The following IRS1 variants were observed in gnomAD, a reference collection of about 807,000 sequenced individuals.
IRS1 encodes the protein insulin receptor substrate 1.
IRS1 carries 34 observed loss-of-function variants against 65.6 expected under a neutral mutation model. That is an observed-to-expected ratio of 0.52 (90% confidence interval 0.39 to 0.69). The LOEUF is 0.69. Among genes scored for constraint, IRS1 ranks in the 30% least tolerant of loss-of-function variants. IRS1 has a pLI of 0.00. For synonymous variants in IRS1, 699 were observed against 683.5 expected (o/e 1.02, Z -0.35); for missense variants, 1,641 against 1,720.2 (o/e 0.95, Z 0.81).
rs780720173 is a variant in IRS1, at chr2:226,797,262, G to C, written c.1477C>G (p.Arg493Gly). Residue 493 changes from arginine (R) to glycine (G), a missense_variant, in exon 1 of 2, where the codon CGC becomes GGC. Arg to Gly is a moderately radical substitution (Grantham distance 125). Around this residue, in one of 3 missense-constraint regions of IRS1, gnomAD observed 1,324 missense variants for 1,361.0 expected, o/e 0.97. Transcript: ENST00000305123. The surrounding 1 kb of genome is among the most constrained non-coding windows in gnomAD (Gnocchi z 8.1). ...CCCAAGCCTGTTCCTGGGGTGCAGC[G>C]GTGGCCATTGCCACCCCGAGACAAA... The part of the protein sequence containing the change: ...YILSRGGNGH[R>G]CTPGTGLGTS... The C allele has an allele frequency of 8.1e-6, 13 of 1,613,390 alleles. No homozygotes were observed. Among genetic ancestry groups the C allele is most frequent in the Non-Finnish European group, 8.5e-6 (10 of 1,179,970 alleles).
At chr2:226,763,756 T>C (rs1183974617) in intron 1 of IRS1, among the ~76,000 whole-genome samples, 1 of 152,126 alleles carries the variant, frequency 6.6e-6, no homozygotes, top group Non-Finnish European at 1.5e-5. Context: ...AAATCACCTT[T>C]AATTGCCATT....
chr2:226,771,921 C>T (rs1939173317), intron 1 of IRS1, among the ~76,000 whole-genome samples: 1 of 152,208 alleles, frequency 6.6e-6, no homozygotes, highest in African/African-American at 2.4e-5. Context: ...TTTATACTTA[C>T]AGCTTGTAAC....
chr2:226,798,938 C>A lies in IRS1; in HGVS notation c.-200G>T. Reference sequence around the variant, plus strand: ...CGCAGCTGCTGAGCCCAGGAGAGAGCCCGACCGGAGTTTTCGGGCGCTTCA... The same window carrying A: ...CGCAGCTGCTGAGCCCAGGAGAGAGACCGACCGGAGTTTTCGGGCGCTTCA... On this transcript the variant is annotated 5_prime_UTR_variant, in exon 1 of 2. Transcript: ENST00000305123. This position sits in a 1 kb window ranked among gnomAD's most constrained non-coding sequence, Gnocchi z 9.4. 1 of 1,451,962 alleles carries A rather than the reference C, an allele frequency of 6.9e-7. No homozygotes were observed. Among genetic ancestry groups the A allele is most frequent in the Middle Eastern group, 2.6e-4 (1 of 3,910 alleles). The allele number at this position is 1,451,962 out of a possible 1,614,324, so 89.9% of individuals were successfully genotyped here. A position where few individuals can be genotyped will look rare whatever the true frequency, so the allele number is the denominator to read the frequency against.
rs1172214075 is a variant in IRS1 at position 226,797,745 on chromosome 2, C to T, written c.994G>A (p.Gly332Ser). The T allele has an allele frequency of 3.8e-6, 6 of 1,596,046 alleles. No homozygotes were observed. The Admixed American group carries it at 6.7e-5, about 18-fold the overall frequency. The change falls in exon 1 of 2, where the codon GGC becomes AGC. Residue 332 changes from glycine to serine, a missense_variant. Transcript: ENST00000305123. This position sits in a 1 kb window ranked among gnomAD's most constrained non-coding sequence, Gnocchi z 8.1. ...GCTGGGCGGGACATGGTGCCTTCGC[C>T]GTCACTGGAGGCGCGGACACGGAAG... ...GSFRVRASSD[G>S]EGTMSRPASV...
At position 226,799,082 on chromosome 2, in the gene IRS1, G is replaced by A; in HGVS notation, c.-344C>T. On this transcript the variant is annotated 5_prime_UTR_variant, in exon 1 of 2. Coordinates refer to ENST00000305123, the MANE Select transcript of IRS1 (RefSeq NM_005544.3). The surrounding 1 kb of genome is among the most constrained non-coding windows in gnomAD (Gnocchi z 6.1). ...GCGAAGATGCATCTCTCGTCGCCCC[G>A]GCTGGAGTCCGGCACAGGGAGGCGA... The A allele has an allele frequency of 8.0e-7, 1 of 1,243,342 alleles. No individual in the cohort carries two copies. The highest frequency in any genetic ancestry group is 1.6e-5 in the African/African-American group (1 of 63,818). 77.0% of individuals were successfully genotyped at this position (1,243,342 alleles called of 1,614,324 possible).
chr2:226,786,679 A>C (rs1265506746), intron 1 of IRS1, among the ~76,000 whole-genome samples: 3 of 150,282 alleles, frequency 2.0e-5, no homozygotes, highest in Non-Finnish European at 3.0e-5. Flanking sequence ...AAAAAAAACC[A>C]AAAAAAATTG....
Position 226,796,360 on chromosome 2 carries a change from A to G in IRS1, c.2379T>C (p.Thr793=). 1 of 1,613,362 alleles carries G rather than the reference A, an allele frequency of 6.2e-7. No individual in the cohort carries two copies. The highest frequency in any genetic ancestry group is 8.5e-7 in the Non-Finnish European group (1 of 1,180,030). ...GARHQHLRLS[T]SSGRLLYAAT... Reference sequence around the variant, plus strand: ...CAGCATAGAGAAGGCGACCAGAGCTAGTGGAAAGGCGGAGGTGCTGATGCC... The same window carrying G: ...CAGCATAGAGAAGGCGACCAGAGCTGGTGGAAAGGCGGAGGTGCTGATGCC... The change falls in exon 1 of 2, where the codon ACT becomes ACC. Residue 793 remains threonine, a synonymous_variant. Transcript: ENST00000305123.
chr2:226,732,801 A>T lies in IRS1; in HGVS notation c.*3471T>A, dbSNP rs1938255265. The T allele has an allele frequency of 6.6e-6, 1 of 152,040 alleles. No homozygotes were observed. The highest frequency in any genetic ancestry group is 6.6e-5 in the Admixed American group (1 of 15,238). 9.4% of individuals were successfully genotyped at this position (152,040 alleles called of 1,614,324 possible). ...CCTAGGAACATTAACTCCCCTGTCA[A>T]GTCATTGCAAAGAAGAAATTTCATA... On this transcript the variant is annotated 3_prime_UTR_variant, in exon 2 of 2. Transcript: ENST00000305123.
rs556886925 is a variant in IRS1 at position 226,774,457 on chromosome 2, A to G, written c.*21+20532T>C. ...GGGAAGCAAATGTCCAACTATGTCC[A>G]GTGTGGAGTTGGTTTGAAACACTGT... On this transcript the variant is annotated intron_variant, in intron 1 of 1. Coordinates refer to ENST00000305123, the MANE Select transcript of IRS1 (RefSeq NM_005544.3). Among the ~76,000 whole-genome samples, 9 of 152,324 alleles carry G rather than the reference A, an allele frequency of 5.9e-5. 1 individual carries two copies. The South Asian group carries it at 1.9e-3, about 32-fold the overall frequency.
Position 226,798,486 on chromosome 2 carries a change from C to T in IRS1, c.253G>A (p.Ala85Thr). ...AAGTGCTCGTCCCGGGTGTAGAGAG[C>T]CACCAGGTGCTTGTTCTTGGAGTCA... ...RADSKNKHLV[A>T]LYTRDEHFAI... The change falls in exon 1 of 2, where the codon GCT (alanine) becomes ACT (threonine). Residue 85 changes from alanine to threonine, a missense_variant. Coordinates refer to ENST00000305123, the MANE Select transcript of IRS1 (RefSeq NM_005544.3). The surrounding 1 kb of genome is among the most constrained non-coding windows in gnomAD (Gnocchi z 9.4). The T allele has an allele frequency of 1.2e-6, 2 of 1,614,124 alleles. No individual in the cohort carries two copies. Among genetic ancestry groups the T allele is most frequent in the Non-Finnish European group, 1.7e-6 (2 of 1,180,026 alleles).
Position 226,798,983 on chromosome 2 carries a change from G to A in IRS1, c.-245C>T, listed in dbSNP as rs1939828135. 5 of 1,439,724 alleles carry A rather than the reference G, an allele frequency of 3.5e-6. No individual in the cohort carries two copies. The South Asian group carries it at 4.5e-5, about 13-fold the overall frequency. 89.2% of individuals were successfully genotyped at this position (1,439,724 alleles called of 1,614,324 possible). On this transcript the variant is annotated 5_prime_UTR_variant, in exon 1 of 2. Transcript: ENST00000305123. The surrounding 1 kb of genome is among the most constrained non-coding windows in gnomAD (Gnocchi z 9.4). ...GCTTCACGCCCGGCGGGGAGGCAGT[G>A]CGTCCGGGGTGAGGGCAGCCCCGAT...
chr2:226,749,556 C>T (rs910194119), intron 1 of IRS1, among the ~76,000 whole-genome samples: 1 of 152,190 alleles, frequency 6.6e-6, no homozygotes, highest in Admixed American at 6.5e-5. Flanking sequence ...AGGAAGTTGA[C>T]TTGAGAACCA....
Position 226,797,344 on chromosome 2 carries a change from A to G in IRS1, c.1395T>C (p.Tyr465=). Residue 465 remains tyrosine, a synonymous_variant, in exon 1 of 2, where the codon TAT becomes TAC. Transcript: ENST00000305123. The surrounding 1 kb of genome is among the most constrained non-coding windows in gnomAD (Gnocchi z 8.1). ...AGGGCCCCTTGCCACCCATGCAGAT[A>G]TAGTTGCTTAGCTCCTCCTCACCGC... The part of the protein sequence containing the change: ...PARGEEELSN[Y]ICMGGKGPST... 6.2e-7 allele frequency: 1 copy of G among 1,613,342 alleles called. No homozygotes were observed. Among genetic ancestry groups the G allele is most frequent in the Non-Finnish European group, 8.5e-7 (1 of 1,179,938 alleles).
intron 1 of IRS1, among the ~76,000 whole-genome samples, chr2:226,772,229 A>G (rs558096957): frequency 6.6e-6 from 1 of 152,294 alleles, no homozygotes; most frequent in East Asian, 1.9e-4. Context: ...TCAAACCATG[A>G]CAAACTCTGT....
At chr2:226,769,182 C>T (rs1168588105) in intron 1 of IRS1, among the ~76,000 whole-genome samples, 1 of 152,168 alleles carries the variant, frequency 6.6e-6, no homozygotes, top group Non-Finnish European at 1.5e-5. Flanking sequence ...ACTCTGTGAC[C>T]ATATATTCTT....
chr2:226,795,986 G>A lies in IRS1; in HGVS notation c.2753C>T (p.Ser918Leu), dbSNP rs759822993. 1.9e-6 allele frequency: 3 copies of A among 1,614,040 alleles called. No individual in the cohort carries two copies. The highest frequency in any genetic ancestry group is 2.2e-5 in the South Asian group (2 of 91,090). The change falls in exon 1 of 2, where the codon TCA (serine) becomes TTA (leucine). Residue 918 changes from serine (S) to leucine (L), a missense_variant. Physicochemically the swap from Ser to Leu is moderately radical, Grantham distance 145. Coordinates refer to ENST00000305123, the MANE Select transcript of IRS1 (RefSeq NM_005544.3). The stretch of plus-strand genomic sequence containing the variant: ...CTGGGATGGACACCTGACAGAAGGT[G>A]AGCTGTGGAAAGCCACCGGGCCAGA... ...YLSGPVAFHS[S>L]PSVRCPSQLQ...
intron 1 of IRS1, among the ~76,000 whole-genome samples, chr2:226,785,868 T>G (rs1559156256): frequency 6.8e-6 from 1 of 147,476 alleles, no homozygotes; most frequent in Non-Finnish European, 1.5e-5. Flanking sequence ...GCATTAGGTA[T>G]ATCTCCCAAT....
At chr2:226,738,984 C>A (rs1233743437) in intron 1 of IRS1, among the ~76,000 whole-genome samples, 2 of 152,142 alleles carry the variant, frequency 1.3e-5, no homozygotes, top group Admixed American at 6.5e-5. Context: ...CACGTACCAA[C>A]CTGCACGGAT....
In IRS1 at chr2:226,796,091, G is replaced by GGCTGCTGCT. The variant is rs747646240; in HGVS notation, c.2639_2647dup (p.Gln880_Gln882dup). 6.2e-7 allele frequency: 1 copy of GGCTGCTGCT among 1,612,256 alleles called. No homozygotes were observed. On this transcript the variant is annotated inframe_insertion, in exon 1 of 2. Transcript: ENST00000305123. ...CTTGGGCTCTGGAGGGTGCAGCAAGGGCTGCTGCTGCTGCTGCTGCTCTCG... is the reference window on the plus strand; with the variant it reads ...CTTGGGCTCTGGAGGGTGCAGCAAGGGCTGCTGCTGCTGCTGCTGCTGCTGCTGCTCTCG...
Sources: gnomAD v4.1 joint callset for allele counts (sites outside exome capture counted in the v4.1 genomes callset) on GRCh38, gnomAD v4.1.1 for gene constraint, gnomAD v4.1.1 regional missense constraint, Gnocchi (gnomAD v3.1) non-coding constraint, MANE v1.5 for transcripts, NCBI Gene and HGNC (gene_info 2026-07-23, HGNC 2026-07-21) for gene names.